The following NCOA2 variants were observed in gnomAD, a reference collection of about 807,000 sequenced individuals.
NCOA2 encodes the protein class E basic helix-loop-helix protein 75.
Under a neutral mutation model 145.1 loss-of-function variants are expected in NCOA2, and 21 were observed. That is an observed-to-expected ratio of 0.14 (90% CI 0.10 to 0.21). The LOEUF (loss-of-function observed/expected upper bound fraction) is 0.21. NCOA2 is among the 10% of genes least tolerant of loss of function. NCOA2 has a pLI of 1.00. For missense variants in NCOA2, 1,472 were observed against 1,837.6 expected (o/e 0.80, Z 3.64); for synonymous variants, 619 against 637.5 (o/e 0.97, Z 0.44).
chr8:70,293,028 G>T (rs1425235786), intron 2 of NCOA2, among the ~76,000 whole-genome samples: 1 of 152,040 alleles, frequency 6.6e-6, no homozygotes, highest in Non-Finnish European at 1.5e-5. Context: ...AATGACTGAG[G>T]GCATTTTGTC....
At chr8:70,178,196 G>A (rs972050243) in intron 4 of NCOA2, among the ~76,000 whole-genome samples, 1 of 152,152 alleles carries the variant, frequency 6.6e-6, no homozygotes, top group Non-Finnish European at 1.5e-5. Flanking sequence ...TTAGACTTTT[G>A]TCAGAGGTTA....
chr8:70,409,681 G>A, the NCOA2 span, among the ~76,000 whole-genome samples: 1 of 151,968 alleles, frequency 6.6e-6, no homozygotes, highest in East Asian at 1.9e-4. Flanking sequence ...ACTAGCCTGG[G>A]CAACATGGTG....
chr8:70,320,202 T>C (rs1805932819), intron 1 of NCOA2, among the ~76,000 whole-genome samples: 2 of 152,186 alleles, frequency 1.3e-5, no homozygotes, highest in Admixed American at 6.5e-5. Context: ...TATATGTATT[T>C]TGACATCTTG....
intron 1 of NCOA2, among the ~76,000 whole-genome samples, chr8:70,357,061 C>T (rs1809768183): frequency 6.6e-6 from 1 of 152,108 alleles, no homozygotes; most frequent in African/African-American, 2.4e-5. Context: ...ATGAAGGTGG[C>T]AGTTTAACAA....
intron 21 of NCOA2, 113 bp downstream of exon 21, chr8:70,123,771 T>A: frequency 1.2e-6 from 1 of 828,376 alleles, no homozygotes. Context: ...CTCCTCAAAG[T>A]AAATGTGGGA....
At chr8:70,273,399 A>C in intron 2 of NCOA2, 1 of 756,722 alleles carries the variant, frequency 1.3e-6, no homozygotes, top group Non-Finnish European at 2.0e-6. Context: ...ATGAACCAGG[A>C]AAAACTCGCC....
intron 2 of NCOA2, among the ~76,000 whole-genome samples, chr8:70,265,440 G>A (rs1327166568): frequency 1.3e-5 from 2 of 152,128 alleles, no homozygotes; most frequent in Non-Finnish European, 2.9e-5. Flanking sequence ...AAACAGTTAA[G>A]TGTTATATTT....
At chr8:70,181,711 C>T (rs945715454) in intron 4 of NCOA2, among the ~76,000 whole-genome samples, 2 of 152,186 alleles carry the variant, frequency 1.3e-5, no homozygotes, top group Admixed American at 6.5e-5. Context: ...TAGAAATCTA[C>T]GAATTTTTCA....
intron 14 of NCOA2, 84 bp from the exon 15 acceptor site, chr8:70,138,416 G>A (rs1809993672): frequency 2.3e-6 from 3 of 1,314,706 alleles, no homozygotes; most frequent in Non-Finnish European, 3.0e-6. Context: ...GAAATGTCTG[G>A]TTTATGAAAA....
chr8:70,407,750 C>T (rs892841997), upstream of NCOA2, among the ~76,000 whole-genome samples: 1 of 151,996 alleles, frequency 6.6e-6, no homozygotes, highest in Non-Finnish European at 1.5e-5. Context: ...GAGCCAAGAT[C>T]GCACCACTGC....
intron 2 of NCOA2, among the ~76,000 whole-genome samples, chr8:70,256,352 G>GT (rs1453731446): frequency 6.6e-6 from 1 of 152,192 alleles, no homozygotes; most frequent in Non-Finnish European, 1.5e-5. Flanking sequence ...ATTGCTAGTA[G>GT]TAAGTGAATC....
intron 14 of NCOA2, among the ~76,000 whole-genome samples, chr8:70,138,924 G>A (rs1810057113): frequency 6.6e-6 from 1 of 152,268 alleles, no homozygotes; most frequent in African/African-American, 2.4e-5. Flanking sequence ...GATAATAAGA[G>A]TGAAGAAGCC....
At chr8:70,267,229 G>A (rs1824675642) in intron 2 of NCOA2, among the ~76,000 whole-genome samples, 2 of 152,166 alleles carry the variant, frequency 1.3e-5, no homozygotes, top group Non-Finnish European at 2.9e-5. Flanking sequence ...AGATGTTCAT[G>A]ACTATGAGGC....
At position 70,348,232 on chromosome 8, in the gene NCOA2, G is replaced by GA. The variant is rs542417357; in HGVS notation, c.-76-51433dup. On this transcript the variant is annotated intron_variant, in intron 1 of 22. Transcript: ENST00000452400. ...TTCCTTTCAACAGGCAGAGATAAGG[G>GA]AAATGGCATTCCCTGAAGAGCAAAC... Among the ~76,000 whole-genome samples the GA allele has an allele frequency of 2.2e-4, 34 of 152,268 alleles. 1 individual carries two copies. In the South Asian group the frequency reaches 6.8e-3, roughly 31 times the overall value.
At chr8:70,160,682 G>GAGAGAGAGAGGGAGA (rs371258460) in intron 9 of NCOA2, among the ~76,000 whole-genome samples, 14 of 58,364 alleles carry the variant, frequency 2.4e-4, no homozygotes, top group Non-Finnish European at 4.4e-4. Context: ...AGAGAGAGAG[G>GAGAGAGAGAGGGAGA]GAGAGAGAGA....
intron 9 of NCOA2, among the ~76,000 whole-genome samples, chr8:70,160,659 C>CAGAGAGGGAGAG (rs1812841922): frequency 7.6e-6 from 1 of 132,180 alleles, no homozygotes; most frequent in Non-Finnish European, 1.6e-5. Context: ...AAGTGAGAGA[C>CAGAGAGGGAGAG]AGAGAGAGAG....
At chr8:70,401,262 A>G (rs78249000) in intron 1 of NCOA2, among the ~76,000 whole-genome samples, 6,918 of 152,326 alleles carry the variant, frequency 0.045, 262 homozygotes, top group East Asian at 0.16. Context: ...AACGCGCAAT[A>G]AACAGTTAAA....
rs986160913 is a variant in NCOA2 at position 70,313,956 on chromosome 8, G to C, written c.-76-17156C>G. Among the ~76,000 whole-genome samples, 25 of 151,954 alleles carry C rather than the reference G, an allele frequency of 1.6e-4. No homozygotes were observed. The South Asian group carries it at 4.1e-3, about 25-fold the overall frequency. ...GAGGCTGAGGAGGGCGGATCATGAG[G>C]TCAGGAGATGAAGACCATCCTGGCT... On this transcript the variant is annotated intron_variant, in intron 1 of 22. Coordinates refer to ENST00000452400, the MANE Select transcript of NCOA2 (RefSeq NM_006540.4).
At position 70,144,592 on chromosome 8, in the gene NCOA2, A is replaced by G. The variant is rs1406849090; in HGVS notation, c.2812+50T>C. On this transcript the variant is annotated intron_variant, in intron 13 of 22. Transcript: ENST00000452400. Reference sequence around the variant, plus strand: ...CTAGTTTGATGTGGATAAATATACCATTAAATTAAATAACCCACCAATAAA... The same window carrying G: ...CTAGTTTGATGTGGATAAATATACCGTTAAATTAAATAACCCACCAATAAA... 6 of 1,453,298 alleles carry G rather than the reference A, an allele frequency of 4.1e-6. No homozygotes were observed. In the East Asian group the frequency reaches 6.8e-5, roughly 17 times the overall value. 90.0% of individuals were successfully genotyped at this position (1,453,298 alleles called of 1,614,324 possible).
Sources: allele counts gnomAD v4.1 joint callset (sites outside exome capture counted in the v4.1 genomes callset), GRCh38; gene constraint gnomAD v4.1.1; transcripts MANE v1.5; gene names NCBI Gene and HGNC (gene_info 2026-07-23, HGNC 2026-07-21).